Variants in GRK4 observed in about 807,000 individuals in gnomAD.
The protein encoded by GRK4 is G protein-coupled receptor kinase 4.
In GRK4, 73 loss-of-function variants were observed where a neutral mutation model predicts 77.9. The observed-to-expected ratio is 0.94, with a 90% CI of 0.78 to 1.14. The LOEUF is 1.14. GRK4 is among the 50% of genes most tolerant of loss of function. The pLI is 0.00. For missense variants in GRK4, 729 were observed against 700.2 expected (o/e 1.04, Z -0.46); for synonymous variants, 257 against 254.4 (o/e 1.01, Z -0.10).
intron 4 of GRK4, among the ~76,000 whole-genome samples, chr4:3,003,244 C>CA (rs1335061830): frequency 6.6e-6 from 1 of 152,218 alleles, no homozygotes; most frequent in Non-Finnish European, 1.5e-5. Context: ...GGCTGGAGGG[C>CA]AGTGGCACAA....
chr4:3,014,291 TC>T, intron 8 of GRK4, among the ~76,000 whole-genome samples: 1 of 126,768 alleles, frequency 7.9e-6, no homozygotes, highest in East Asian at 2.5e-4. Flanking sequence ...TCTCTCTCTC[TC>T]TCTCTTTTTT....
chr4:2,983,887 A>C (rs893764598), intron 1 of GRK4, among the ~76,000 whole-genome samples: 4 of 152,172 alleles, frequency 2.6e-5, no homozygotes, highest in Non-Finnish European at 4.4e-5. Flanking sequence ...CACGTCTTAC[A>C]TGGTGGCAGG....
At chr4:2,988,944 G>A in intron 3 of GRK4, 105 bp downstream of exon 3, 1 of 709,390 alleles carries the variant, frequency 1.4e-6, no homozygotes, top group Non-Finnish European at 2.5e-6. Flanking sequence ...CAGCATTTTG[G>A]AAGGCTGAGG....
chr4:3,007,118 C>T (rs1414547826), intron 5 of GRK4, among the ~76,000 whole-genome samples: 3 of 151,968 alleles, frequency 2.0e-5, no homozygotes, highest in African/African-American at 7.2e-5. Context: ...GGGAGGATTG[C>T]TTGAGGCCAG....
chr4:2,978,308 G>C (rs1721801250), intron 1 of GRK4, among the ~76,000 whole-genome samples: 1 of 152,106 alleles, frequency 6.6e-6, no homozygotes, highest in Non-Finnish European at 1.5e-5. Context: ...TTAAAAACTT[G>C]GTCTGATAGG....
intron 1 of GRK4, chr4:2,965,498 G>A: frequency 1.4e-6 from 1 of 702,382 alleles, no homozygotes. Flanking sequence ...TGTGCTCCAG[G>A]ACAGTGTAAA....
chr4:3,025,565 ATTT>A, intron 10 of GRK4, among the ~76,000 whole-genome samples: 2 of 149,380 alleles, frequency 1.3e-5, no homozygotes. Flanking sequence ...AATTTTTTAT[ATTT>A]TTTTTAGTAG....
At chr4:3,034,943 C>G (rs1015365871) in intron 12 of GRK4, among the ~76,000 whole-genome samples, 4 of 152,086 alleles carry the variant, frequency 2.6e-5, no homozygotes, top group African/African-American at 9.7e-5. Context: ...TTCCTGAGGT[C>G]TGCTTGATGC....
intron 1 of GRK4, among the ~76,000 whole-genome samples, 172 bp from the exon 2 acceptor site, chr4:2,984,341 C>T (rs1226050678): frequency 6.6e-6 from 1 of 152,172 alleles, no homozygotes; most frequent in Non-Finnish European, 1.5e-5. Flanking sequence ...GAATTTTATA[C>T]TTCATCAAGC....
chr4:3,008,545 G>A (rs573595301), intron 6 of GRK4, among the ~76,000 whole-genome samples: 4 of 152,130 alleles, frequency 2.6e-5, no homozygotes, highest in African/African-American at 4.8e-5. Context: ...GGCTCATGCC[G>A]GTAATCCAGC....
chr4:3,027,233 G>T (rs1295584966), intron 10 of GRK4, among the ~76,000 whole-genome samples: 1 of 152,104 alleles, frequency 6.6e-6, no homozygotes, highest in East Asian at 1.9e-4. Context: ...TTTTTATAGA[G>T]ACAGGGTCTT....
chr4:2,999,353 C>G (rs1728881720), intron 4 of GRK4, among the ~76,000 whole-genome samples: 1 of 152,156 alleles, frequency 6.6e-6, no homozygotes, highest in African/African-American at 2.4e-5. Context: ...TGAATCCATT[C>G]CTGAGGGGCA....
chr4:2,987,120 T>C (rs572301337), intron 2 of GRK4: 14 of 518,552 alleles, frequency 2.7e-5, no homozygotes, highest in Non-Finnish European at 5.4e-5. Flanking sequence ...GACTCCTTCC[T>C]GCCCGCTACC....
intron 12 of GRK4, among the ~76,000 whole-genome samples, chr4:3,030,361 C>T (rs1370497642): frequency 4.6e-5 from 7 of 152,236 alleles, no homozygotes; most frequent in African/African-American, 1.4e-4. Context: ...TGCCCAGACA[C>T]TCAATCAGTG....
rs184938076 is a variant in GRK4 at position 3,006,178 on chromosome 4, G to A, written c.444-1558G>A. ...GTGGATCACCTGAGGTCAGGAGTTC[G>A]AGACCAACCTGACCAACATGGAGAA... On this transcript the variant is annotated intron_variant, in intron 5 of 15. Transcript: ENST00000398052. Among the ~76,000 whole-genome samples, 320 of 152,054 alleles carry A rather than the reference G, an allele frequency of 2.1e-3. 2 individuals are homozygous for A. The highest frequency in any genetic ancestry group is 3.4e-3 in the Non-Finnish European group (233 of 67,978).
At chr4:2,964,323 G>C (rs2109338570) in intron 1 of GRK4, among the ~76,000 whole-genome samples, 1 of 152,294 alleles carries the variant, frequency 6.6e-6, no homozygotes, top group South Asian at 2.1e-4. Context: ...CCCGGGCCAG[G>C]TCCCAGTCCC....
intron 12 of GRK4, among the ~76,000 whole-genome samples, chr4:3,030,437 T>C (rs1405724876): frequency 6.6e-6 from 1 of 152,178 alleles, no homozygotes; most frequent in East Asian, 1.9e-4. Context: ...TTTTCATTTA[T>C]TTTCATTCAA....
Position 2,984,516 on chromosome 4 carries a change from G to A in GRK4, c.56G>A (p.Gly19Glu). ...NSLLLKARQG[G>E]YGKKSGRSKK... ...GCCTTTTTTCTCCCAAATTCAGGAG[G>A]ATATGGCAAAAAAAGTGGTCGTAGT... The change falls in exon 2 of 16, where the codon GGA becomes GAA. Residue 19 changes from glycine (G) to glutamate (E), a missense_variant. Coordinates refer to ENST00000398052, the MANE Select transcript of GRK4 (RefSeq NM_182982.3). 1 of 1,605,528 alleles carries A rather than the reference G, an allele frequency of 6.2e-7. No homozygotes were observed. Among genetic ancestry groups the A allele is most frequent in the South Asian group, 1.1e-5 (1 of 90,542 alleles).
At chr4:3,003,216 G>A (rs892336905) in intron 4 of GRK4, among the ~76,000 whole-genome samples, 13 of 152,138 alleles carry the variant, frequency 8.5e-5, no homozygotes, top group African/African-American at 3.1e-4. Flanking sequence ...TTGAGATGGA[G>A]TTTCGCTCTG....
Sources: allele counts gnomAD v4.1 joint callset (sites outside exome capture counted in the v4.1 genomes callset), GRCh38; gene constraint gnomAD v4.1.1; transcripts MANE v1.5; gene names NCBI Gene and HGNC (gene_info 2026-07-23, HGNC 2026-07-21).